Variants in HCN1 observed in about 807,000 individuals in gnomAD.
The protein encoded by HCN1 is hyperpolarization activated cyclic nucleotide gated potassium channel 1.
Under a neutral mutation model 78.9 loss-of-function variants are expected in HCN1, and 13 were observed. That is an observed-to-expected ratio of 0.16 (90% CI 0.11 to 0.26). The LOEUF (loss-of-function observed/expected upper bound fraction) is 0.26. Ranked by LOEUF, HCN1 falls within the 10% of genes least tolerant of loss-of-function variation. The probability of loss-of-function intolerance (pLI) is 1.00; values close to 1 mark genes in which losing one functional copy is unlikely to be tolerated. For missense variants in HCN1, 810 were observed against 1,154.3 expected (o/e 0.70, Z 4.32); for synonymous variants, 552 against 455.5 (o/e 1.21, Z -2.70).
At chr5:45,438,962 A>G (rs1740618246) in intron 3 of HCN1, among the ~76,000 whole-genome samples, 1 of 152,190 alleles carries the variant, frequency 6.6e-6, no homozygotes, top group Admixed American at 6.5e-5. Context: ...CCCTGTGACT[A>G]TAATTATGGA....
intron 5 of HCN1, among the ~76,000 whole-genome samples, chr5:45,340,725 G>T (rs1239843387): frequency 2.6e-5 from 4 of 151,952 alleles, no homozygotes; most frequent in Non-Finnish European, 5.9e-5. Context: ...AGCTATATAT[G>T]AATTTCCTAT....
Position 45,695,949 on chromosome 5 carries a change from C to G in HCN1, c.145G>C (p.Gly49Arg). 7.4e-7 allele frequency: 1 copy of G among 1,346,586 alleles called. No individual in the cohort carries two copies. Among genetic ancestry groups the G allele is most frequent in the Non-Finnish European group, 9.5e-7 (1 of 1,057,750 alleles). 83.4% of individuals were successfully genotyped at this position (1,346,586 alleles called of 1,614,324 possible). The change falls in exon 1 of 8, where the codon GGC (glycine) becomes CGC (arginine). Residue 49 changes from glycine (G) to arginine (R), a missense_variant. By Grantham distance (125) the Gly-to-Arg change is moderately radical. Transcript: ENST00000303230. Reference sequence around the variant, plus strand: ...ACGGAGTTGCCGTGCTCCTTCGCGCCGGCCCCGCCGCCCCCCGGCGGGGTG... The same window carrying G: ...ACGGAGTTGCCGTGCTCCTTCGCGCGGGCCCCGCCGCCCCCCGGCGGGGTG... ...LGTPPGGGGA[G>R]AKEHGNSVCF...
At chr5:45,291,063 A>G (rs1745363215) in intron 6 of HCN1, among the ~76,000 whole-genome samples, 1 of 151,992 alleles carries the variant, frequency 6.6e-6, no homozygotes, top group Non-Finnish European at 1.5e-5. Flanking sequence ...CACTATCACC[A>G]TCTTTCATAT....
intron 2 of HCN1, chr5:45,576,148 A>C (rs1266888655): frequency 6.6e-6 from 1 of 152,110 alleles, no homozygotes; most frequent in Non-Finnish European, 1.5e-5. Context: ...GGAAATAATA[A>C]AAGAACTAGA....
chr5:45,597,428 A>C (rs1288521525), intron 2 of HCN1, among the ~76,000 whole-genome samples: 1 of 152,216 alleles, frequency 6.6e-6, no homozygotes, highest in Non-Finnish European at 1.5e-5. Flanking sequence ...TCAAATTAAT[A>C]AGAGCTATTT....
chr5:45,555,827 C>CA (rs1743457105), intron 2 of HCN1, among the ~76,000 whole-genome samples: 2 of 151,534 alleles, frequency 1.3e-5, no homozygotes, highest in Admixed American at 1.3e-4. Context: ...CTATGGTAAG[C>CA]AAAAAAAGCA....
At chr5:45,462,483 T>C (rs532667464) in intron 2 of HCN1, among the ~76,000 whole-genome samples, 4 of 152,114 alleles carry the variant, frequency 2.6e-5, no homozygotes, top group Non-Finnish European at 5.9e-5. Flanking sequence ...GTAATATTGA[T>C]AATAAATTAC....
intron 2 of HCN1, among the ~76,000 whole-genome samples, chr5:45,524,242 T>C (rs369704273): frequency 2.5e-4 from 38 of 152,244 alleles, no homozygotes; most frequent in Non-Finnish European, 4.3e-4. Flanking sequence ...CTACCAGTAC[T>C]ATGCTGTTTT....
chr5:45,545,930 T>C (rs960959768), intron 2 of HCN1, among the ~76,000 whole-genome samples: 1 of 152,050 alleles, frequency 6.6e-6, no homozygotes. Flanking sequence ...AGAATAAATA[T>C]GTATATACTT....
chr5:45,275,922 A>G (rs1745048570), intron 6 of HCN1, among the ~76,000 whole-genome samples: 1 of 152,148 alleles, frequency 6.6e-6, no homozygotes, highest in Non-Finnish European at 1.5e-5. Flanking sequence ...CAAGTCGTCA[A>G]AAGTTAATCA....
At chr5:45,509,536 T>C (rs1171008694) in intron 2 of HCN1, among the ~76,000 whole-genome samples, 1 of 152,146 alleles carries the variant, frequency 6.6e-6, no homozygotes, top group East Asian at 1.9e-4. Context: ...CCTCCAACAG[T>C]AGGAGCATCT....
chr5:45,675,148 T>G (rs1205090109), intron 1 of HCN1, among the ~76,000 whole-genome samples: 1 of 151,690 alleles, frequency 6.6e-6, no homozygotes, highest in African/African-American at 2.4e-5. Context: ...GCAAGAAGCA[T>G]ACTGTCACAT....
intron 5 of HCN1, among the ~76,000 whole-genome samples, chr5:45,323,429 T>A (rs1047518682): frequency 6.6e-6 from 1 of 151,914 alleles, no homozygotes; most frequent in East Asian, 1.9e-4. Flanking sequence ...AGCACTGCTG[T>A]AGAACAATCA....
intron 3 of HCN1, among the ~76,000 whole-genome samples, chr5:45,427,153 T>A (rs1038722076): frequency 2.6e-5 from 4 of 152,120 alleles, no homozygotes; most frequent in Admixed American, 1.3e-4. Flanking sequence ...ATGTTGACAT[T>A]GGTCAGCTGT....
intron 4 of HCN1, among the ~76,000 whole-genome samples, chr5:45,371,817 C>T (rs1747369536): frequency 7.6e-6 from 1 of 132,256 alleles, no homozygotes; most frequent in Non-Finnish European, 1.6e-5. Flanking sequence ...TGTATATGTG[C>T]TGTTTTCTAC....
chr5:45,506,690 C>CTTT (rs1185573149), intron 2 of HCN1, among the ~76,000 whole-genome samples: 1 of 152,064 alleles, frequency 6.6e-6, no homozygotes, highest in Non-Finnish European at 1.5e-5. Context: ...CTAGGAAAGG[C>CTTT]TTTAAAGCCT....
intron 2 of HCN1, among the ~76,000 whole-genome samples, chr5:45,621,240 A>G (rs1209071483): frequency 6.6e-6 from 1 of 152,170 alleles, no homozygotes; most frequent in Non-Finnish European, 1.5e-5. Context: ...GCTTCTAGCA[A>G]TCTTTATTCC....
intron 6 of HCN1, among the ~76,000 whole-genome samples, chr5:45,294,030 T>G (rs573765218): frequency 9.9e-5 from 15 of 152,094 alleles, no homozygotes; most frequent in South Asian, 8.3e-4. Flanking sequence ...TTCCTGCTCC[T>G]CATAAATGTA....
intron 2 of HCN1, among the ~76,000 whole-genome samples, chr5:45,561,629 CTT>C (rs1743605897): frequency 6.6e-6 from 1 of 151,294 alleles, no homozygotes; most frequent in Non-Finnish European, 1.5e-5. Context: ...AGACGAGTCT[CTT>C]TGTTATTTAT....
Sources: gnomAD v4.1 joint callset for allele counts (sites outside exome capture counted in the v4.1 genomes callset) on GRCh38, gnomAD v4.1.1 for gene constraint, MANE v1.5 for transcripts, NCBI Gene and HGNC (gene_info 2026-07-23, HGNC 2026-07-21) for gene names.